EFHC2: variants seen among roughly 807,000 people sequenced by gnomAD.
EFHC2 encodes EF-hand domain-containing family member C2.
Under a neutral mutation model 52.7 loss-of-function variants are expected in EFHC2, and 18 were observed. The observed-to-expected ratio is 0.34, with a 90% CI of 0.24 to 0.51. The LOEUF is 0.51. EFHC2 is among the 20% of genes least tolerant of loss of function. The pLI is 0.97. For missense variants in EFHC2, 513 were observed against 562.5 expected, an observed-to-expected ratio of 0.91 and a Z score of 0.89; for synonymous variants, 203 against 204.1, an observed-to-expected ratio of 0.99 and a Z score of 0.04.
rs186456100 is a variant in EFHC2, at chrX:44,160,297, G to A, written c.2148+3625C>T. On this transcript the variant is annotated intron_variant, in intron 14 of 14. Coordinates refer to ENST00000420999, the MANE Select transcript of EFHC2 (RefSeq NM_025184.4). ...TCATGAAATCAATTTAATGGGTCAC[G>A]AACAACATTCAAAAGAGAGGAGAAA... Among the ~76,000 whole-genome samples the A allele has an allele frequency of 1.1e-3, 121 of 110,392 alleles. 1 individual carries two copies. The highest frequency in any genetic ancestry group is 3.7e-3 in the African/African-American group (113 of 30,260).
At chrX:44,343,280 CA>C (rs1465052791) in intron 1 of EFHC2, among the ~76,000 whole-genome samples, 2 of 111,942 alleles carry the variant, frequency 1.8e-5, no homozygotes, top group East Asian at 5.6e-4. Context: ...ATTAAACCCC[CA>C]ATGGTTATCG....
chrX:44,267,951 G>A (rs1395005538), intron 3 of EFHC2, among the ~76,000 whole-genome samples: 3 of 112,122 alleles, frequency 2.7e-5, no homozygotes, highest in African/African-American at 9.7e-5. Flanking sequence ...CAAGAGACTG[G>A]TTTCTCTCTA....
At chrX:44,209,110 T>C (rs2037074772) in intron 11 of EFHC2, among the ~76,000 whole-genome samples, 1 of 105,211 alleles carries the variant, frequency 9.5e-6, no homozygotes, top group Non-Finnish European at 1.9e-5. Flanking sequence ...AAAATTAATC[T>C]TAGATTAATT....
At chrX:44,337,920 C>T (rs2038126323) in intron 1 of EFHC2, among the ~76,000 whole-genome samples, 1 of 111,664 alleles carries the variant, frequency 9.0e-6, no homozygotes, top group Non-Finnish European at 1.9e-5. Flanking sequence ...TGTTGAACAT[C>T]TTTTTATGTA....
At chrX:44,328,347 C>T (rs912660750) in intron 1 of EFHC2, among the ~76,000 whole-genome samples, 2 of 111,753 alleles carry the variant, frequency 1.8e-5, no homozygotes, top group Non-Finnish European at 3.8e-5. Context: ...GCTGCAGCAG[C>T]CATCTTGGGA....
intron 3 of EFHC2, among the ~76,000 whole-genome samples, chrX:44,265,020 CTCATCT>C (rs60726239): frequency 0.13 from 14,879 of 111,283 alleles, 936 homozygotes; most frequent in Admixed American, 0.25. Flanking sequence ...CCAGCTTTTC[CTCATCT>C]TCATGTTTTA....
At chrX:44,252,206 C>A (rs770732378) in intron 4 of EFHC2, among the ~76,000 whole-genome samples, 1 of 111,639 alleles carries the variant, frequency 9.0e-6, no homozygotes. Flanking sequence ...CTTCTTGATG[C>A]AACTCTTCCC....
At chrX:44,267,038 G>A (rs1306299830) in intron 3 of EFHC2, among the ~76,000 whole-genome samples, 1 of 111,918 alleles carries the variant, frequency 8.9e-6, no homozygotes, top group Non-Finnish European at 1.9e-5. Flanking sequence ...ATTCTGGGGT[G>A]GGCTAGGAGA....
chrX:44,317,190 T>C (rs1468131318), intron 1 of EFHC2, among the ~76,000 whole-genome samples: 3 of 111,499 alleles, frequency 2.7e-5, no homozygotes, highest in Non-Finnish European at 5.7e-5. Context: ...GAGGTAATGA[T>C]TGGTCAGCTC....
At chrX:44,170,578 G>A (rs2036737355) in intron 13 of EFHC2, among the ~76,000 whole-genome samples, 1 of 110,557 alleles carries the variant, frequency 9.0e-6, no homozygotes, top group African/African-American at 3.3e-5. Context: ...TCTGTCTCAT[G>A]GCTAGAAGCA....
intron 1 of EFHC2, among the ~76,000 whole-genome samples, chrX:44,340,432 G>A (rs1186128312): frequency 9.1e-6 from 1 of 110,411 alleles, no homozygotes; most frequent in African/African-American, 3.3e-5. Flanking sequence ...CGGGCGGATC[G>A]CCTGAAGTCA....
At chrX:44,334,291 T>C (rs2038104478) in intron 1 of EFHC2, among the ~76,000 whole-genome samples, 1 of 112,142 alleles carries the variant, frequency 8.9e-6, no homozygotes, top group African/African-American at 3.2e-5. Context: ...AAAGTATGGA[T>C]GGCAGCTTCA....
At chrX:44,217,649 C>T (rs1424033859) in intron 11 of EFHC2, among the ~76,000 whole-genome samples, 4 of 110,371 alleles carry the variant, frequency 3.6e-5, no homozygotes, top group Non-Finnish European at 7.6e-5. Flanking sequence ...TCAAAACAAG[C>T]AAACCCATGG....
chrX:44,298,407 G>C (rs1017691830), intron 2 of EFHC2, among the ~76,000 whole-genome samples: 1 of 111,697 alleles, frequency 9.0e-6, no homozygotes, highest in Non-Finnish European at 1.9e-5. Flanking sequence ...AAAAATGAAA[G>C]ACTAAGCTAT....
chrX:44,203,475 CA>C (rs1240089614), intron 11 of EFHC2, among the ~76,000 whole-genome samples: 1 of 111,514 alleles, frequency 9.0e-6, no homozygotes, highest in Non-Finnish European at 1.9e-5. Flanking sequence ...AACCAAAGGA[CA>C]AAACCTTTAC....
chrX:44,182,392 G>A (rs965022146), intron 11 of EFHC2, among the ~76,000 whole-genome samples: 1 of 112,387 alleles, frequency 8.9e-6, no homozygotes, highest in African/African-American at 3.2e-5. Context: ...GAATAGTGCT[G>A]CTATGAAAAT....
chrX:44,281,584 C>CA (rs1278650567), intron 2 of EFHC2, among the ~76,000 whole-genome samples: 1 of 111,340 alleles, frequency 9.0e-6, no homozygotes, highest in Non-Finnish European at 1.9e-5. Flanking sequence ...TTTCACCTTC[C>CA]AAAAAAATAA....
chrX:44,156,513 G>A (rs760665981), intron 14 of EFHC2, among the ~76,000 whole-genome samples: 7 of 111,721 alleles, frequency 6.3e-5, no homozygotes, highest in Non-Finnish European at 1.3e-4. Context: ...ACCAAAAGGA[G>A]AGTCTCAACA....
chrX:44,209,490 A>G (rs574815668), intron 11 of EFHC2, among the ~76,000 whole-genome samples: 1 of 111,599 alleles, frequency 9.0e-6, no homozygotes, highest in Admixed American at 9.5e-5. Flanking sequence ...GCAGAATATA[A>G]GATCAATATA....
Sources: gnomAD v4.1 joint callset for allele counts (sites outside exome capture counted in the v4.1 genomes callset) on GRCh38, gnomAD v4.1.1 for gene constraint, MANE v1.5 for transcripts, NCBI Gene and HGNC (gene_info 2026-07-23, HGNC 2026-07-21) for gene names.